TNNI1: variants seen among roughly 807,000 people sequenced by gnomAD.
TNNI1 encodes troponin I1, slow skeletal type.
A neutral mutation model predicts 26.7 loss-of-function variants in TNNI1; 14 were observed. That is an observed-to-expected ratio of 0.52 (90% CI 0.35 to 0.82). The LOEUF is 0.82. TNNI1 is among the 40% of genes least tolerant of loss of function. TNNI1 has a pLI of 0.01. For synonymous variants in TNNI1, 79 were observed against 98.2 expected, an observed-to-expected ratio of 0.80 and a Z score of 1.16; for missense variants, 164 against 257.0, an observed-to-expected ratio of 0.64 and a Z score of 2.47.
chr1:201,403,820 C>T lies in TNNI1; in HGVS notation c.*5433G>A, dbSNP rs918181863. On this transcript the variant is annotated 3_prime_UTR_variant, in exon 9 of 9. Transcript: ENST00000361379. ...ATGATGTATTAGGAATTCATAAATA[C>T]GTAGTAACATTATGAAGAGAACCAA... 6.6e-6 allele frequency: 1 copy of T among 152,042 alleles called. No homozygotes were observed. Among genetic ancestry groups the T allele is most frequent in the Non-Finnish European group, 1.5e-5 (1 of 68,022 alleles). The allele number at this position is 152,042 out of a possible 1,614,324, so 9.4% of individuals were successfully genotyped here. A position where few individuals can be genotyped will look rare whatever the true frequency, so the allele number is the denominator to read the frequency against.
rs2799680 is a variant in TNNI1, at chr1:201,405,549, A to C, written c.*3704T>G. 0.49 allele frequency: 74,146 copies of C among 152,682 alleles called. 18,984 individuals are homozygous for C. The highest frequency in any genetic ancestry group is 0.66 in the African/African-American group (27,445 of 41,476). The allele number at this position is 152,682 out of a possible 1,614,324, so 9.5% of individuals were successfully genotyped here. A position where few individuals can be genotyped will look rare whatever the true frequency, so the allele number is the denominator to read the frequency against. On this transcript the variant is annotated 3_prime_UTR_variant, in exon 9 of 9. Transcript: ENST00000361379. ...CCGCCCCCGGCTGCCCAGCCCAGAG[A>C]CTTGTGGGGAGTATGACTCACTTCG...
intron 5 of TNNI1, among the ~76,000 whole-genome samples, chr1:201,413,430 A>AAAACAAACAAACAAAC (rs71138333): frequency 6.6e-6 from 1 of 151,142 alleles, no homozygotes; most frequent in East Asian, 2.0e-4. Context: ...CCGTCTCAAA[A>AAAACAAACAAACAAAC]AAACAAACAA....
At chr1:201,418,808 G>T (rs1267395326) in intron 1 of TNNI1, among the ~76,000 whole-genome samples, 1 of 152,060 alleles carries the variant, frequency 6.6e-6, no homozygotes, top group Non-Finnish European at 1.5e-5. Flanking sequence ...AAAATTAGGG[G>T]TTAAATCAGT....
chr1:201,414,678 G>A, intron 4 of TNNI1, 29 bp from the exon 5 acceptor site: 1 of 1,604,968 alleles, frequency 6.2e-7, no homozygotes. Context: ...CTGAGCTGGG[G>A]GCCTCACATC....
chr1:201,417,135 A>G lies in TNNI1; in HGVS notation c.12-16T>C, dbSNP rs113785406. On this transcript the variant is annotated splice_polypyrimidine_tract_variant and intron_variant, in intron 2 of 8. Coordinates refer to ENST00000361379, the MANE Select transcript of TNNI1 (RefSeq NM_003281.4). ...ACTTACCTCGCTTCAGGCATCCATC[A>G]CAGGAAGGACGGGGAAAGAGCAGAA... is the stretch of plus-strand genomic sequence containing the variant. The G allele has an allele frequency of 4.3e-6, 7 of 1,614,054 alleles. No individual in the cohort carries two copies. The East Asian group carries it at 1.6e-4, about 36-fold the overall frequency.
chr1:201,406,451 C>G lies in TNNI1; in HGVS notation c.*2802G>C, dbSNP rs1344142004. The G allele has an allele frequency of 6.6e-6, 1 of 152,276 alleles. No individual in the cohort carries two copies. Among genetic ancestry groups the G allele is most frequent in the East Asian group, 1.9e-4 (1 of 5,204 alleles). The allele number at this position is 152,276 out of a possible 1,614,324, so 9.4% of individuals were successfully genotyped here. On this transcript the variant is annotated 3_prime_UTR_variant, in exon 9 of 9. Coordinates refer to ENST00000361379, the MANE Select transcript of TNNI1 (RefSeq NM_003281.4). ...TGTGATCATGAAAAGTCCCTAACCT[C>G]TCTGTGCCTCAGTTTTCCCCACTGT...
intron 5 of TNNI1, 119 bp downstream of exon 5, chr1:201,414,399 G>T: frequency 2.4e-6 from 2 of 831,634 alleles, no homozygotes; most frequent in Non-Finnish European, 3.6e-6. Flanking sequence ...AGGGAGGAGT[G>T]CCCTGTAAAT....
chr1:201,415,687 C>T (rs143522907), intron 3 of TNNI1, among the ~76,000 whole-genome samples: 12 of 152,276 alleles, frequency 7.9e-5, no homozygotes, highest in African/African-American at 1.4e-4. Context: ...GGTAGTAATA[C>T]AGCAATACCT....
At chr1:201,417,928 GA>G (rs1662781257) in intron 1 of TNNI1, 116 bp from the exon 2 acceptor site, 1 of 733,722 alleles carries the variant, frequency 1.4e-6, no homozygotes, top group South Asian at 7.2e-5. Flanking sequence ...GAAGAAATCA[GA>G]CACATTGGAT....
chr1:201,410,168 GACT>G, intron 8 of TNNI1, 155 bp downstream of exon 8: 1 of 619,080 alleles, frequency 1.6e-6, no homozygotes, highest in Non-Finnish European at 2.9e-6. Flanking sequence ...CTGGAGCCAG[GACT>G]GAGCCCAGGA....
At chr1:201,410,527 G>A (rs560685736) in intron 7 of TNNI1, 92 bp from the exon 8 acceptor site, 38 of 1,117,422 alleles carry the variant, frequency 3.4e-5, no homozygotes, top group Middle Eastern at 2.2e-4. Flanking sequence ...CAGTCTCCTC[G>A]GATGATAAGA....
chr1:201,421,453 G>A (rs1235927685), intron 1 of TNNI1, among the ~76,000 whole-genome samples: 1 of 152,200 alleles, frequency 6.6e-6, no homozygotes, highest in Non-Finnish European at 1.5e-5. Context: ...AAATGGCCAG[G>A]AAAAAGTTTC....
chr1:201,413,235 G>T, intron 5 of TNNI1, 114 bp from the exon 6 acceptor site: 2 of 1,119,708 alleles, frequency 1.8e-6, no homozygotes, highest in Non-Finnish European at 2.7e-6. Flanking sequence ...CCAGAGAGGA[G>T]CTGACAGTCT....
rs1662486117 is a variant in TNNI1 at position 201,404,854 on chromosome 1, C to T, written c.*4399G>A. The stretch of plus-strand genomic sequence containing the variant: ...CCTGCATTCTGCATGCCCACGCATA[C>T]ACACCATGCTCACCCCTTCTGATGA... On this transcript the variant is annotated 3_prime_UTR_variant, in exon 9 of 9. Transcript: ENST00000361379. The T allele has an allele frequency of 6.6e-6, 1 of 152,348 alleles. No homozygotes were observed. The highest frequency in any genetic ancestry group is 2.4e-5 in the African/African-American group (1 of 41,474). The allele number at this position is 152,348 out of a possible 1,614,324, so 9.4% of individuals were successfully genotyped here. A position where few individuals can be genotyped will look rare whatever the true frequency, so the allele number is the denominator to read the frequency against.
chr1:201,416,760 T>C (rs990492402), intron 3 of TNNI1, among the ~76,000 whole-genome samples: 11 of 152,212 alleles, frequency 7.2e-5, no homozygotes, highest in African/African-American at 2.4e-4. Context: ...GGATCAGCTC[T>C]GCATGGAATA....
chr1:201,413,324 T>TA (rs1299882574), intron 5 of TNNI1, among the ~76,000 whole-genome samples: 2 of 152,166 alleles, frequency 1.3e-5, no homozygotes, highest in African/African-American at 4.8e-5. Context: ...CATGATTTCT[T>TA]AAAAAATAGT....
rs2102369972 is a variant in TNNI1, at chr1:201,411,537, T to C, written c.280-4A>G. On this transcript the variant is annotated splice_region_variant and splice_polypyrimidine_tract_variant and intron_variant, in intron 6 of 8. Transcript: ENST00000361379. The surrounding 1 kb of genome is among the most constrained non-coding windows in gnomAD (Gnocchi z 4.6). ...CCTTCAGCTTCAGGTCCTTAATCTG[T>C]AGGTGAGAAGCGCCCGGGGCTCACT... is the stretch of plus-strand genomic sequence containing the variant. 3 of 1,582,264 alleles carry C rather than the reference T, an allele frequency of 1.9e-6. No individual in the cohort carries two copies. The highest frequency in any genetic ancestry group is 1.4e-5 in the African/African-American group (1 of 73,182).
chr1:201,417,190 C>T, intron 2 of TNNI1, 71 bp from the exon 3 acceptor site: 1 of 1,604,646 alleles, frequency 6.2e-7, no homozygotes, highest in South Asian at 1.1e-5. Context: ...ATGAGGATTA[C>T]ATGTGCAGTC....
Position 201,411,994 on chromosome 1 carries a change from G to A in TNNI1, c.280-461C>T, listed in dbSNP as rs1662643516. On this transcript the variant is annotated intron_variant, in intron 6 of 8. Transcript: ENST00000361379. The surrounding 1 kb of genome is among the most constrained non-coding windows in gnomAD (Gnocchi z 4.6). ...GGTACTGGTCCACAGCCCAAGAGTT[G>A]GAGATCCCTGCTCTAGGACAGTCAG... Among the ~76,000 whole-genome samples, 1 of 152,204 alleles carries A rather than the reference G, an allele frequency of 6.6e-6. No homozygotes were observed. The highest frequency in any genetic ancestry group is 2.4e-5 in the African/African-American group (1 of 41,452).
Sources: allele counts gnomAD v4.1 joint callset (sites outside exome capture counted in the v4.1 genomes callset), GRCh38; gene constraint gnomAD v4.1.1; non-coding constraint Gnocchi (gnomAD v3.1); transcripts MANE v1.5; gene names NCBI Gene and HGNC (gene_info 2026-07-23, HGNC 2026-07-21).